The following JMJD1C variants were observed in gnomAD, a reference collection of about 807,000 sequenced individuals.
JMJD1C encodes jumonji domain-containing protein 1C.
JMJD1C carries 31 observed loss-of-function variants against 245.3 expected under a neutral mutation model. That is an observed-to-expected ratio of 0.13 (90% confidence interval 0.09 to 0.17). The LOEUF (loss-of-function observed/expected upper bound fraction) is 0.17. Among genes scored for constraint, JMJD1C ranks in the 10% least tolerant of loss-of-function variants. The pLI is 1.00. For synonymous variants in JMJD1C, 1,057 were observed against 1,017.4 expected, an observed-to-expected ratio of 1.04 and a Z score of -0.74; for missense variants, 2,691 against 3,000.2, an observed-to-expected ratio of 0.90 and a Z score of 2.41.
At chr10:63,376,407 C>T (rs1195390253) in intron 2 of JMJD1C, among the ~76,000 whole-genome samples, 3 of 151,854 alleles carry the variant, frequency 2.0e-5, no homozygotes, top group East Asian at 1.9e-4. Context: ...AAGCAACAAG[C>T]GGAAACAGAC....
chr10:63,262,991 T>C (rs996543928), intron 3 of JMJD1C, among the ~76,000 whole-genome samples: 1 of 152,212 alleles, frequency 6.6e-6, no homozygotes, highest in Non-Finnish European at 1.5e-5. Context: ...GTGCTAATAA[T>C]ACAACCACAG....
chr10:63,363,494 G>C (rs1425830511), intron 2 of JMJD1C, among the ~76,000 whole-genome samples: 1 of 151,878 alleles, frequency 6.6e-6, no homozygotes, highest in Non-Finnish European at 1.5e-5. Flanking sequence ...ATGAGTTCAG[G>C]GAATCCGCCC....
intron 1 of JMJD1C, among the ~76,000 whole-genome samples, chr10:63,503,877 T>G (rs1346760068): frequency 6.6e-6 from 1 of 152,210 alleles, no homozygotes; most frequent in Non-Finnish European, 1.5e-5. Flanking sequence ...GTCTCCATCC[T>G]AGCCTCCTCT....
chr10:63,490,378 T>C (rs1305041014), intron 1 of JMJD1C, among the ~76,000 whole-genome samples: 2 of 152,036 alleles, frequency 1.3e-5, no homozygotes, highest in Non-Finnish European at 2.9e-5. Flanking sequence ...TCTATTTATT[T>C]CCTTCACAGC....
At chr10:63,233,752 C>T (rs1372989397) in intron 3 of JMJD1C, among the ~76,000 whole-genome samples, 3 of 50,834 alleles carry the variant, frequency 5.9e-5, no homozygotes, top group African/African-American at 1.3e-4. Context: ...TCCACACACG[C>T]GCGTGCACAC....
chr10:63,461,642 A>G (rs1401368350), intron 1 of JMJD1C, among the ~76,000 whole-genome samples: 1 of 152,164 alleles, frequency 6.6e-6, no homozygotes, highest in Non-Finnish European at 1.5e-5. Context: ...TATCCCCTAA[A>G]TACAAGCAAA....
chr10:63,375,327 C>T (rs1460905731), intron 2 of JMJD1C, among the ~76,000 whole-genome samples: 2 of 151,130 alleles, frequency 1.3e-5, no homozygotes, highest in African/African-American at 2.4e-5. Context: ...GCTAGGACTA[C>T]AGGCTCACGC....
In JMJD1C at chr10:63,189,218, T is replaced by C; in HGVS notation, c.6520A>G (p.Lys2174Glu). ...AAAAGCTTCCAATTACTGCTATTCT[T>C]ATAATCCTTAAGCCATAAAATATGC... ...EKHILWLKDY[K>E]NSSNWKLFKE... is the part of the protein sequence containing the mutation. The change falls in exon 18 of 26, where the codon AAG becomes GAG. Residue 2174 changes from lysine (K) to glutamate (E), a missense_variant. Coordinates refer to ENST00000399262, the MANE Select transcript of JMJD1C (RefSeq NM_032776.3). 1 of 1,612,882 alleles carries C rather than the reference T, an allele frequency of 6.2e-7. No individual in the cohort carries two copies. Among genetic ancestry groups the C allele is most frequent in the Non-Finnish European group, 8.5e-7 (1 of 1,179,508 alleles).
intron 2 of JMJD1C, among the ~76,000 whole-genome samples, chr10:63,293,197 C>T (rs1200733068): frequency 6.6e-6 from 1 of 152,162 alleles, no homozygotes; most frequent in East Asian, 1.9e-4. Context: ...TAAATGACTT[C>T]CTCGACCTTT....
chr10:63,428,062 C>G, intron 1 of JMJD1C: 9 of 576,350 alleles, frequency 1.6e-5, no homozygotes, highest in Non-Finnish European at 2.8e-5. Context: ...ATACACACAA[C>G]ACACATATAT....
chr10:63,394,157 A>C (rs1404035475), intron 1 of JMJD1C, among the ~76,000 whole-genome samples: 1 of 148,550 alleles, frequency 6.7e-6, no homozygotes, highest in Non-Finnish European at 1.5e-5. Context: ...ACTGAACTCC[A>C]GCCAGGGAGA....
intron 3 of JMJD1C, among the ~76,000 whole-genome samples, chr10:63,237,969 G>A (rs1323795236): frequency 1.6e-5 from 2 of 123,866 alleles, no homozygotes; most frequent in African/African-American, 6.2e-5. Context: ...AAAACTTAGA[G>A]ACCAGCCTGG....
At chr10:63,375,598 T>A (rs1202246117) in intron 2 of JMJD1C, among the ~76,000 whole-genome samples, 1 of 151,698 alleles carries the variant, frequency 6.6e-6, no homozygotes, top group Non-Finnish European at 1.5e-5. Flanking sequence ...TCACCCAGGC[T>A]TGAGTGCAAT....
At chr10:63,183,927 G>A (rs1195992583) in intron 21 of JMJD1C, among the ~76,000 whole-genome samples, 1 of 152,180 alleles carries the variant, frequency 6.6e-6, no homozygotes, top group Non-Finnish European at 1.5e-5. Context: ...ACAATTTGTA[G>A]GAACAGTAAT....
At chr10:63,187,234 C>T (rs7901474) in intron 18 of JMJD1C, among the ~76,000 whole-genome samples, 7,764 of 151,898 alleles carry the variant, frequency 0.051, 295 homozygotes, top group African/African-American at 0.11. Context: ...ATAATATATA[C>T]GACTTTAAAA....
chr10:63,470,273 A>G (rs1053234816), upstream of JMJD1C, among the ~76,000 whole-genome samples: 1 of 152,118 alleles, frequency 6.6e-6, no homozygotes, highest in Non-Finnish European at 1.5e-5. Context: ...TATAGCATGA[A>G]TGAATGAATG....
chr10:63,238,180 C>CAAAAAAAA (rs548385223), intron 3 of JMJD1C, among the ~76,000 whole-genome samples: 4 of 30,576 alleles, frequency 1.3e-4, no homozygotes, highest in African/African-American at 2.0e-4. Flanking sequence ...GACTCCATCT[C>CAAAAAAAA]AAAAAAAAAA....
intron 3 of JMJD1C, chr10:63,222,659 G>A (rs1848741656): frequency 3.3e-6 from 5 of 1,537,346 alleles, no homozygotes; most frequent in Non-Finnish European, 2.7e-6. Flanking sequence ...AGATCGGTGT[G>A]TAGAGGGAGT....
chr10:63,216,337 C>T (rs1320690030), intron 5 of JMJD1C, among the ~76,000 whole-genome samples: 1 of 151,934 alleles, frequency 6.6e-6, no homozygotes, highest in Non-Finnish European at 1.5e-5. Flanking sequence ...TCTACATAAA[C>T]AACAGCTTTA....
Sources: gnomAD v4.1 joint callset for allele counts (sites outside exome capture counted in the v4.1 genomes callset) on GRCh38, gnomAD v4.1.1 for gene constraint, MANE v1.5 for transcripts, NCBI Gene and HGNC (gene_info 2026-07-23, HGNC 2026-07-21) for gene names.